C12orf42: variants seen among roughly 807,000 people sequenced by gnomAD.
C12orf42 encodes chromosome 12 open reading frame 42, also known as uncharacterized protein C12orf42.
In C12orf42, 25 loss-of-function variants were observed where a neutral mutation model predicts 21.6. The ratio of observed to expected loss-of-function variants is 1.16; its 90% confidence interval spans 0.84 to 1.62. The LOEUF (loss-of-function observed/expected upper bound fraction) is 1.62, where lower values mean the gene tolerates loss of function less well. C12orf42 is among the 40% of genes most tolerant of loss of function. The pLI, the probability that C12orf42 is intolerant of heterozygous loss-of-function variation, is 0.00. For missense variants in C12orf42, 483 were observed against 459.3 expected (o/e 1.05, Z -0.47); for synonymous variants, 174 against 175.0 (o/e 0.99, Z 0.05).
the C12orf42 span, among the ~76,000 whole-genome samples, chr12:103,137,486 C>T: frequency 5.3e-5 from 8 of 152,200 alleles, no homozygotes; most frequent in Middle Eastern, 3.4e-3. Context: ...AATAGAACTA[C>T]CATACAATCC....
At chr12:103,350,072 T>A (rs1251668760) in intron 4 of C12orf42, among the ~76,000 whole-genome samples, 3 of 152,112 alleles carry the variant, frequency 2.0e-5, no homozygotes, top group Non-Finnish European at 2.9e-5. Context: ...ATGACCAAAT[T>A]TAGGAAGATA....
chr12:103,099,164 T>C, the C12orf42 span, among the ~76,000 whole-genome samples: 1 of 152,334 alleles, frequency 6.6e-6, no homozygotes, highest in Admixed American at 6.5e-5. Flanking sequence ...GGGCTGTGAG[T>C]TGAAATATGA....
At chr12:103,516,394 T>C in the C12orf42 span, among the ~76,000 whole-genome samples, 1 of 152,216 alleles carries the variant, frequency 6.6e-6, no homozygotes, top group African/African-American at 2.4e-5. Context: ...CAAGTTCAAA[T>C]AGCATTTTAT....
chr12:103,099,189 G>C, the C12orf42 span, among the ~76,000 whole-genome samples: 1 of 152,334 alleles, frequency 6.6e-6, no homozygotes, highest in East Asian at 1.9e-4. Context: ...GATATTAAAT[G>C]CTCCAAAATA....
chr12:103,491,298 G>A (rs1035380988), intron 1 of C12orf42, among the ~76,000 whole-genome samples: 21 of 151,996 alleles, frequency 1.4e-4, no homozygotes, highest in African/African-American at 4.8e-4. Context: ...TAACTGCATA[G>A]TTTACCACTG....
the C12orf42 span, among the ~76,000 whole-genome samples, chr12:103,211,884 C>T: frequency 2.0e-5 from 3 of 152,146 alleles, no homozygotes; most frequent in African/African-American, 7.2e-5. Flanking sequence ...CTTTTGCTCC[C>T]TCAACATTAT....
At chr12:103,327,353 G>C (rs1027045112) in intron 4 of C12orf42, among the ~76,000 whole-genome samples, 2 of 152,096 alleles carry the variant, frequency 1.3e-5, no homozygotes, top group Admixed American at 6.6e-5. Flanking sequence ...AGGAAACCAA[G>C]TTAAACCTGA....
intron 4 of C12orf42, among the ~76,000 whole-genome samples, chr12:103,367,160 T>A (rs180786661): frequency 1.6e-4 from 24 of 152,146 alleles, no homozygotes; most frequent in Admixed American, 1.3e-3. Context: ...TGTATGGGAA[T>A]GGAGACTATT....
chr12:103,237,498 T>G (rs1292758644), downstream of C12orf42: 1 of 152,232 alleles, frequency 6.6e-6, no homozygotes. Context: ...TATGGGGTAG[T>G]TCAGAAGATC....
the C12orf42 span, among the ~76,000 whole-genome samples, chr12:103,204,211 G>T: frequency 6.6e-6 from 1 of 152,120 alleles, no homozygotes; most frequent in African/African-American, 2.4e-5. Flanking sequence ...AGGAACTGCT[G>T]GGAGTCATTG....
the C12orf42 span, among the ~76,000 whole-genome samples, chr12:103,163,767 G>T: frequency 6.6e-6 from 1 of 152,180 alleles, no homozygotes; most frequent in Non-Finnish European, 1.5e-5. Flanking sequence ...GTGATATGGG[G>T]TGAGTCAGTT....
chr12:103,303,577 T>C (rs1245894417), intron 5 of C12orf42, among the ~76,000 whole-genome samples: 2 of 152,060 alleles, frequency 1.3e-5, no homozygotes, highest in Non-Finnish European at 2.9e-5. Flanking sequence ...AAAAAACACA[T>C]AAAATAATTA....
chr12:103,333,063 C>T (rs539220114), intron 4 of C12orf42, among the ~76,000 whole-genome samples: 1 of 152,182 alleles, frequency 6.6e-6, no homozygotes, highest in South Asian at 2.1e-4. Context: ...AAAAATGGCA[C>T]AAATTTAAGA....
chr12:103,485,604 G>C (rs981630022), intron 1 of C12orf42, among the ~76,000 whole-genome samples: 1 of 152,174 alleles, frequency 6.6e-6, no homozygotes, highest in Non-Finnish European at 1.5e-5. Context: ...CTATCCATGA[G>C]CATGAAATGT....
chr12:103,291,309 A>G (rs913877803), intron 4 of C12orf42, among the ~76,000 whole-genome samples: 2 of 152,146 alleles, frequency 1.3e-5, no homozygotes, highest in Non-Finnish European at 2.9e-5. Context: ...AGAAGAGGAT[A>G]ACAATACACC....
the C12orf42 span, among the ~76,000 whole-genome samples, chr12:103,202,389 ACTT>A: frequency 2.0e-5 from 3 of 152,162 alleles, no homozygotes; most frequent in East Asian, 3.9e-4. Flanking sequence ...CTCTACAAAT[ACTT>A]CTTCTTTCCA....
the C12orf42 span, among the ~76,000 whole-genome samples, chr12:103,211,662 G>T: frequency 1.3e-5 from 2 of 152,182 alleles, no homozygotes; most frequent in Non-Finnish European, 2.9e-5. Flanking sequence ...GGCTGGGGAA[G>T]TCAACCTGAT....
chr12:103,436,656 G>C (rs1950742732), intron 2 of C12orf42, among the ~76,000 whole-genome samples: 2 of 151,516 alleles, frequency 1.3e-5, no homozygotes, highest in South Asian at 4.2e-4. Context: ...AGACAAAGAA[G>C]GCCATTACAT....
chr12:103,514,670 A>G, the C12orf42 span, among the ~76,000 whole-genome samples: 8 of 152,216 alleles, frequency 5.3e-5, no homozygotes, highest in Non-Finnish European at 7.3e-5. Context: ...GCTGTTGCAC[A>G]GAAAACAGTT....
Sources: allele counts gnomAD v4.1 joint callset (sites outside exome capture counted in the v4.1 genomes callset), GRCh38; gene constraint gnomAD v4.1.1; transcripts MANE v1.5; gene names NCBI Gene and HGNC (gene_info 2026-07-23, HGNC 2026-07-21).